PCDH9: variants seen among roughly 807,000 people sequenced by gnomAD.
The protein encoded by PCDH9 is protocadherin 9.
A neutral mutation model predicts 70.6 loss-of-function variants in PCDH9; 24 were observed. That is an observed-to-expected ratio of 0.34 (90% CI 0.25 to 0.48). PCDH9 has a LOEUF of 0.48. Ranked by LOEUF, PCDH9 falls within the 20% of genes least tolerant of loss-of-function variation. The probability of loss-of-function intolerance (pLI) is 0.99; values close to 1 mark genes in which losing one functional copy is unlikely to be tolerated. For missense variants in PCDH9, 1,281 were observed against 1,503.6 expected, an observed-to-expected ratio of 0.85 and a Z score of 2.45; for synonymous variants, 562 against 558.5, an observed-to-expected ratio of 1.01 and a Z score of -0.09.
At chr13:66,994,433 T>A (rs1566348899) in intron 2 of PCDH9, among the ~76,000 whole-genome samples, 1 of 152,192 alleles carries the variant, frequency 6.6e-6, no homozygotes, top group Non-Finnish European at 1.5e-5. Flanking sequence ...GCAAAGCGGA[T>A]ATGCAGAGCG....
intron 4 of PCDH9, among the ~76,000 whole-genome samples, chr13:66,563,047 A>C (rs1250098800): frequency 6.6e-6 from 1 of 152,116 alleles, no homozygotes; most frequent in African/African-American, 2.4e-5. Context: ...ACTTTTGAGA[A>C]GTTTATTTAA....
chr13:66,384,507 G>C (rs564749906), intron 4 of PCDH9, among the ~76,000 whole-genome samples: 60 of 152,206 alleles, frequency 3.9e-4, no homozygotes, highest in African/African-American at 1.4e-3. Flanking sequence ...CCAGTCTCTT[G>C]CATAATTACC....
At chr13:66,436,552 T>G (rs74093095) in intron 4 of PCDH9, among the ~76,000 whole-genome samples, 2,197 of 152,284 alleles carry the variant, frequency 0.014, 62 homozygotes, top group African/African-American at 0.051. Flanking sequence ...TCAGCTTTGC[T>G]TCTGGATTGT....
At chr13:66,590,676 G>A (rs1015711411) in intron 4 of PCDH9, among the ~76,000 whole-genome samples, 2 of 151,824 alleles carry the variant, frequency 1.3e-5, no homozygotes, top group Non-Finnish European at 2.9e-5. Context: ...GATATTTATT[G>A]CACAGGTATA....
At chr13:66,759,814 T>A (rs920447928) in intron 3 of PCDH9, among the ~76,000 whole-genome samples, 1 of 150,624 alleles carries the variant, frequency 6.6e-6, no homozygotes, top group Admixed American at 6.6e-5. Context: ...AACAAATTAT[T>A]GTGGTTATTA....
At chr13:66,483,564 C>A (rs940418982) in intron 4 of PCDH9, among the ~76,000 whole-genome samples, 1 of 152,280 alleles carries the variant, frequency 6.6e-6, no homozygotes, top group African/African-American at 2.4e-5. Context: ...AAATAAAACT[C>A]ATTTTGTTAA....
intron 2 of PCDH9, among the ~76,000 whole-genome samples, chr13:66,928,325 G>A (rs9571692): frequency 6.6e-6 from 1 of 151,970 alleles, no homozygotes; most frequent in Non-Finnish European, 1.5e-5. Flanking sequence ...CTTCTAGCAT[G>A]TATTTAGCAC....
chr13:67,066,882 G>A (rs1300396736), intron 2 of PCDH9, among the ~76,000 whole-genome samples: 1 of 152,064 alleles, frequency 6.6e-6, no homozygotes, highest in Non-Finnish European at 1.5e-5. Flanking sequence ...TCCCTAATCA[G>A]ATTATATGCA....
rs568130998 is a variant in PCDH9, at chr13:66,994,056, A to C, written c.3037-90451T>G. Among the ~76,000 whole-genome samples, 15 of 152,296 alleles carry C rather than the reference A, an allele frequency of 9.8e-5. No homozygotes were observed. The South Asian group carries it at 2.7e-3, about 27-fold the overall frequency. On this transcript the variant is annotated intron_variant, in intron 2 of 4. Transcript: ENST00000377865. Reference sequence around the variant, plus strand: ...CACTGATGTAGCCTAGTAATGAAAAATTGCGAGAAAAACTAGAATACCTGT... The same window carrying C: ...CACTGATGTAGCCTAGTAATGAAAACTTGCGAGAAAAACTAGAATACCTGT...
chr13:66,979,625 C>T (rs2083696578), intron 2 of PCDH9, among the ~76,000 whole-genome samples: 1 of 152,114 alleles, frequency 6.6e-6, no homozygotes, highest in African/African-American at 2.4e-5. Context: ...GCCAAATCCA[C>T]ATCTCCTTCA....
At chr13:66,956,763 C>A (rs1394505012) in intron 2 of PCDH9, among the ~76,000 whole-genome samples, 1 of 152,012 alleles carries the variant, frequency 6.6e-6, no homozygotes, top group Non-Finnish European at 1.5e-5. Flanking sequence ...AACAAACAAA[C>A]AAAGTAGAAA....
At chr13:66,591,265 A>G (rs1003179166) in intron 4 of PCDH9, among the ~76,000 whole-genome samples, 1 of 151,752 alleles carries the variant, frequency 6.6e-6, no homozygotes, top group Admixed American at 6.6e-5. Flanking sequence ...ATTGGTTTAC[A>G]CAGAATCTCA....
intron 3 of PCDH9, among the ~76,000 whole-genome samples, chr13:66,738,400 G>A (rs371589408): frequency 1.3e-5 from 2 of 151,926 alleles, no homozygotes; most frequent in Admixed American, 6.6e-5. Flanking sequence ...GAAAAAACAG[G>A]ACAGAAAAAC....
At position 66,584,327 on chromosome 13, in the gene PCDH9, A is replaced by G. The variant is rs2138791869; in HGVS notation, c.3340+46883T>C. Among the ~76,000 whole-genome samples the G allele has an allele frequency of 1.3e-5, 2 of 152,280 alleles. 1 individual carries two copies. Among genetic ancestry groups the G allele is most frequent in the East Asian group, 3.9e-4 (2 of 5,192 alleles). On this transcript the variant is annotated intron_variant, in intron 4 of 4. Coordinates refer to ENST00000377865, the MANE Select transcript of PCDH9 (RefSeq NM_203487.3). Reference sequence around the variant, plus strand: ...GCAATCCGAATAAAATATATACTCAACGGAATGATTTTTGAGTACAGAATT... The same window carrying G: ...GCAATCCGAATAAAATATATACTCAGCGGAATGATTTTTGAGTACAGAATT...
chr13:66,588,980 A>G (rs1449344212), intron 4 of PCDH9, among the ~76,000 whole-genome samples: 1 of 151,992 alleles, frequency 6.6e-6, no homozygotes, highest in Non-Finnish European at 1.5e-5. Context: ...AGGATTTCCC[A>G]TTTTCCCTTT....
chr13:66,678,528 C>T (rs958099079), intron 3 of PCDH9, among the ~76,000 whole-genome samples: 1 of 151,794 alleles, frequency 6.6e-6, no homozygotes, highest in Non-Finnish European at 1.5e-5. Flanking sequence ...TATACAATAC[C>T]TATTTTACAG....
intron 3 of PCDH9, among the ~76,000 whole-genome samples, chr13:66,871,723 A>G (rs1349877166): frequency 1.3e-5 from 2 of 152,152 alleles, no homozygotes; most frequent in African/African-American, 2.4e-5. Context: ...TACATTATAT[A>G]TATTTGTTAT....
At chr13:66,688,725 T>C (rs1732308712) in intron 3 of PCDH9, among the ~76,000 whole-genome samples, 1 of 152,166 alleles carries the variant, frequency 6.6e-6, no homozygotes, top group South Asian at 2.1e-4. Flanking sequence ...AGAAACTTAT[T>C]GATTAATAAC....
chr13:66,982,548 T>A (rs990444886), intron 2 of PCDH9, among the ~76,000 whole-genome samples: 2 of 152,150 alleles, frequency 1.3e-5, no homozygotes, highest in African/African-American at 4.8e-5. Flanking sequence ...ATGTGAAAAC[T>A]GTCTTCAAGC....
Sources: gnomAD v4.1 joint callset for allele counts (sites outside exome capture counted in the v4.1 genomes callset) on GRCh38, gnomAD v4.1.1 for gene constraint, MANE v1.5 for transcripts, NCBI Gene and HGNC (gene_info 2026-07-23, HGNC 2026-07-21) for gene names.